The following PLAA variants were observed in gnomAD, a reference collection of about 807,000 sequenced individuals.
PLAA encodes the protein phospholipase A2 activating protein.
Under a neutral mutation model 84.1 loss-of-function variants are expected in PLAA, and 48 were observed. The observed-to-expected ratio is 0.57, with a 90% confidence interval of 0.45 to 0.73. PLAA has a LOEUF of 0.73. PLAA is among the 30% of genes least tolerant of loss of function. The pLI is 0.00. For missense variants in PLAA, 903 were observed against 954.7 expected (o/e 0.95, Z 0.71); for synonymous variants, 392 against 336.6 (o/e 1.16, Z -1.80).
Position 26,947,188 on chromosome 9 carries a change from C to G in PLAA, c.-143G>C, listed in dbSNP as rs781321765. 1.3e-5 allele frequency: 13 copies of G among 993,048 alleles called. No individual in the cohort carries two copies. Among genetic ancestry groups the G allele is most frequent in the South Asian group, 7.5e-5 (4 of 53,198 alleles). The allele number at this position is 993,048 out of a possible 1,614,324, so 61.5% of individuals were successfully genotyped here. On this transcript the variant is annotated 5_prime_UTR_variant, in exon 1 of 14. Coordinates refer to ENST00000397292, the MANE Select transcript of PLAA (RefSeq NM_001031689.3). ...GACCGGAAGAGCCCGAGAGCCGGTA[C>G]GGAAGGGCGGCTGGGAAGGGGCGCG...
intron 2 of PLAA, among the ~76,000 whole-genome samples, chr9:26,932,634 T>C (rs1242605760): frequency 6.6e-6 from 1 of 152,140 alleles, no homozygotes; most frequent in Non-Finnish European, 1.5e-5. Flanking sequence ...AGCCACATAA[T>C]GAAGGATGTA....
At chr9:26,908,102 G>T in intron 12 of PLAA, 104 bp from the exon 13 acceptor site, 1 of 737,698 alleles carries the variant, frequency 1.4e-6, no homozygotes, top group East Asian at 2.7e-5. Context: ...ACACCATGGG[G>T]AGTTAAGACT....
chr9:26,906,225 T>C, intron 13 of PLAA, 149 bp from the exon 14 acceptor site: 1 of 515,694 alleles, frequency 1.9e-6, no homozygotes, highest in Non-Finnish European at 3.3e-6. Context: ...AAAATGCATA[T>C]ATTTCTGAAA....
In PLAA at chr9:26,919,419, C is replaced by T; in HGVS notation, c.1308G>A (p.Lys436=). 1.2e-6 allele frequency: 2 copies of T among 1,612,114 alleles called. No individual in the cohort carries two copies. Among genetic ancestry groups the T allele is most frequent in the Non-Finnish European group, 1.7e-6 (2 of 1,178,440 alleles). ...CCAGAAACATAGGATTCAAATCATT[C>T]TTCTGTAAGAAGTTGTATGCAGTTA... ...PWLTAYNFLQ[K]NDLNPMFLDQ... Residue 436 remains lysine, a synonymous_variant, in exon 9 of 14, where the codon AAG becomes AAA. Coordinates refer to ENST00000397292, the MANE Select transcript of PLAA (RefSeq NM_001031689.3).
chr9:26,931,648 G>A (rs887167737), intron 2 of PLAA, among the ~76,000 whole-genome samples: 6 of 151,718 alleles, frequency 4.0e-5, no homozygotes, highest in Non-Finnish European at 8.8e-5. Context: ...CACATTAAAG[G>A]AAACAAGGCT....
Position 26,923,197 on chromosome 9 carries a change from C to T in PLAA, c.1020G>A (p.Arg340=). The change falls in exon 7 of 14, where the codon AGG becomes AGA. Residue 340 remains arginine (R), a synonymous_variant. Transcript: ENST00000397292. ...GDINAEQLPG[R]EHLNEPGTRE... is the part of the protein sequence containing the mutation. ...ACTTACCAGGTTCATTAAGATGTTC[C>T]CTCCCAGGAAGCTGCTCAGCATTGA... 2.5e-6 allele frequency: 4 copies of T among 1,596,724 alleles called. No homozygotes were observed. Among genetic ancestry groups the T allele is most frequent in the Non-Finnish European group, 2.6e-6 (3 of 1,169,012 alleles).
chr9:26,941,827 G>C (rs1825555033), intron 1 of PLAA, among the ~76,000 whole-genome samples: 1 of 150,244 alleles, frequency 6.7e-6, no homozygotes, highest in South Asian at 2.1e-4. Flanking sequence ...CCAGAAAAAA[G>C]AAGACAGAAA....
Position 26,904,741 on chromosome 9 carries a change from G to A in PLAA, c.*770C>T, listed in dbSNP as rs1824175767. ...GTAACCACCTGATAAAATTCAACATGTTCCAAATTCCCTTTGAAATAATGG... is the reference window on the plus strand; with the variant it reads ...GTAACCACCTGATAAAATTCAACATATTCCAAATTCCCTTTGAAATAATGG... On this transcript the variant is annotated 3_prime_UTR_variant, in exon 14 of 14. Transcript: ENST00000397292. The A allele has an allele frequency of 6.6e-6, 1 of 152,204 alleles. No homozygotes were observed. Among genetic ancestry groups the A allele is most frequent in the African/African-American group, 2.4e-5 (1 of 41,390 alleles). The allele number at this position is 152,204 out of a possible 1,614,324, so 9.4% of individuals were successfully genotyped here.
intron 13 of PLAA, among the ~76,000 whole-genome samples, chr9:26,907,343 C>A (rs1298975710): frequency 1.3e-5 from 2 of 151,630 alleles, no homozygotes; most frequent in Non-Finnish European, 2.9e-5. Context: ...TCCTGGCTAA[C>A]GTGGTGAAAC....
intron 12 of PLAA, among the ~76,000 whole-genome samples, chr9:26,909,324 C>T (rs966828498): frequency 6.6e-6 from 1 of 151,996 alleles, no homozygotes; most frequent in African/African-American, 2.4e-5. Context: ...TAGATTTTCA[C>T]AAGTTTTTTT....
chr9:26,943,236 C>T (rs1173112787), intron 1 of PLAA, among the ~76,000 whole-genome samples: 1 of 152,104 alleles, frequency 6.6e-6, no homozygotes, highest in Non-Finnish European at 1.5e-5. Context: ...AGTTCAATGC[C>T]CAACCAACAG....
intron 11 of PLAA, 64 bp from the exon 12 acceptor site, chr9:26,910,503 T>G: frequency 8.0e-7 from 1 of 1,246,414 alleles, no homozygotes; most frequent in Non-Finnish European, 1.2e-6. Flanking sequence ...TTTTTCTAAC[T>G]ATATGACTTA....
At position 26,923,180 on chromosome 9, in the gene PLAA, G is replaced by A; in HGVS notation, c.1037C>T (p.Pro346Leu). The stretch of plus-strand genomic sequence containing the variant: ...ACTAGGTACAATAAAATACTTACCA[G>A]GTTCATTAAGATGTTCCCTCCCAGG... ...QLPGREHLNE[P>L]GTREGQTRLI... Residue 346 changes from proline to leucine, a missense_variant and splice_region_variant, in exon 7 of 14, where the codon CCT becomes CTT. By Grantham distance (98) the Pro-to-Leu change is moderately conservative (BLOSUM62 -3). Coordinates refer to ENST00000397292, the MANE Select transcript of PLAA (RefSeq NM_001031689.3). 6.3e-7 allele frequency: 1 copy of A among 1,584,906 alleles called. No homozygotes were observed. The highest frequency in any genetic ancestry group is 2.3e-5 in the East Asian group (1 of 44,370).
intron 2 of PLAA, among the ~76,000 whole-genome samples, chr9:26,928,846 T>C (rs1023669867): frequency 6.6e-6 from 1 of 152,122 alleles, no homozygotes; most frequent in African/African-American, 2.4e-5. Flanking sequence ...AGTAATGAAG[T>C]GGTTAATTAA....
At chr9:26,910,817 C>A (rs1043153092) in intron 11 of PLAA, among the ~76,000 whole-genome samples, 3 of 152,014 alleles carry the variant, frequency 2.0e-5, no homozygotes, top group African/African-American at 7.3e-5. Flanking sequence ...GCCACCGAGC[C>A]TGGTCTAAGA....
At chr9:26,921,595 G>A (rs541509005) in intron 7 of PLAA, among the ~76,000 whole-genome samples, 1 of 152,302 alleles carries the variant, frequency 6.6e-6, no homozygotes, top group South Asian at 2.1e-4. Flanking sequence ...AATGTGGATA[G>A]GCCAGAAATA....
intron 12 of PLAA, among the ~76,000 whole-genome samples, chr9:26,909,043 G>A (rs547842072): frequency 4.1e-4 from 62 of 152,120 alleles, no homozygotes; most frequent in African/African-American, 1.5e-3. Flanking sequence ...CTCATTTCAT[G>A]AAACAATTTC....
chr9:26,919,289 T>C, intron 9 of PLAA, 21 bp downstream of exon 9: 1 of 1,486,906 alleles, frequency 6.7e-7, no homozygotes, highest in African/African-American at 1.4e-5. Flanking sequence ...TACATAAGAC[T>C]CAATATAAAC....
intron 8 of PLAA, 34 bp downstream of exon 8, chr9:26,920,193 G>C (rs1259452375): frequency 6.3e-7 from 1 of 1,577,650 alleles, no homozygotes; most frequent in Non-Finnish European, 8.7e-7. Context: ...TAATATTTAA[G>C]ACAATAGTAA....
Sources: allele counts gnomAD v4.1 joint callset (sites outside exome capture counted in the v4.1 genomes callset), GRCh38; gene constraint gnomAD v4.1.1; transcripts MANE v1.5; gene names NCBI Gene and HGNC (gene_info 2026-07-23, HGNC 2026-07-21).